LRRC52: variants seen among roughly 807,000 people sequenced by gnomAD.
LRRC52 encodes leucine rich repeat containing 52, also known as leucine-rich repeat-containing protein 52.
Under a neutral mutation model 14.7 loss-of-function variants are expected in LRRC52, and 15 were observed. That is an observed-to-expected ratio of 1.02 (90% confidence interval 0.68 to 1.58). LRRC52 has a LOEUF of 1.58. Among genes scored for constraint, LRRC52 ranks in the 40% most tolerant of loss-of-function variants. The pLI, the probability that LRRC52 is intolerant of heterozygous loss-of-function variation, is 0.00. For synonymous variants in LRRC52, 180 were observed against 163.9 expected, an observed-to-expected ratio of 1.10 and a Z score of -0.75; for missense variants, 400 against 387.7, an observed-to-expected ratio of 1.03 and a Z score of -0.27.
rs79060241 is a variant in LRRC52, at chr1:165,563,835, C to T, written c.*11C>T. The T allele has an allele frequency of 6.8e-3, 10,876 of 1,610,828 alleles. 622 individuals carry two copies. In the African/African-American group the frequency reaches 0.13, roughly 19 times the overall value. On this transcript the variant is annotated 3_prime_UTR_variant, in exon 2 of 2. Coordinates refer to ENST00000294818, the MANE Select transcript of LRRC52 (RefSeq NM_001005214.4). ...CCTCAGCTTATTTAGTTGCCAGAGA[C>T]CACTATCTTATGTGCCTCCCCCAGG...
chr1:165,544,484 A>G lies in LRRC52; in HGVS notation c.188A>G (p.Asn63Ser). The change falls in exon 1 of 2, where the codon AAC becomes AGC. Residue 63 changes from asparagine (N) to serine (S), a missense_variant. Coordinates refer to ENST00000294818, the MANE Select transcript of LRRC52 (RefSeq NM_001005214.4). ...LNTRRLFLNE[N>S]RITSLPAMHL... is the part of the protein sequence containing the mutation. The stretch of plus-strand genomic sequence containing the variant: ...ACCCGGAGGCTGTTCCTGAACGAGA[A>G]CAGAATCACTAGTTTGCCAGCAATG... The G allele has an allele frequency of 6.2e-7, 1 of 1,614,144 alleles. No individual in the cohort carries two copies. The highest frequency in any genetic ancestry group is 8.5e-7 in the Non-Finnish European group (1 of 1,180,010).
chr1:165,546,388 G>T (rs1264381274), intron 1 of LRRC52, among the ~76,000 whole-genome samples: 3 of 152,180 alleles, frequency 2.0e-5, no homozygotes, highest in African/African-American at 7.2e-5. Flanking sequence ...AGTTATCTCA[G>T]GTAGGTTGCC....
rs938493613 is a variant in LRRC52, at chr1:165,557,153, T to C, written c.623-6352T>C. Among the ~76,000 whole-genome samples the C allele has an allele frequency of 2.0e-5, 3 of 152,356 alleles. 1 individual carries two copies. The highest frequency in any genetic ancestry group is 6.5e-5 in the Admixed American group (1 of 15,308). On this transcript the variant is annotated intron_variant, in intron 1 of 1. Coordinates refer to ENST00000294818, the MANE Select transcript of LRRC52 (RefSeq NM_001005214.4). Reference sequence around the variant, plus strand: ...GGAAATAATAATAATTACCTTTTGATATCATGTCTGCAGCAGTTTGTCCTC... The same window carrying C: ...GGAAATAATAATAATTACCTTTTGACATCATGTCTGCAGCAGTTTGTCCTC...
intron 1 of LRRC52, among the ~76,000 whole-genome samples, chr1:165,547,240 C>T (rs1209714204): frequency 9.2e-5 from 14 of 152,148 alleles, no homozygotes. Context: ...TTCCACAAGA[C>T]TATACTATCT....
At chr1:165,561,344 T>G (rs551187140) in intron 1 of LRRC52, among the ~76,000 whole-genome samples, 2 of 152,170 alleles carry the variant, frequency 1.3e-5, no homozygotes, top group African/African-American at 4.8e-5. Context: ...CCGAATCCCA[T>G]GTTTGCCTTT....
chr1:165,553,140 A>C (rs1378158422), intron 1 of LRRC52, among the ~76,000 whole-genome samples: 1 of 152,212 alleles, frequency 6.6e-6, no homozygotes, highest in Non-Finnish European at 1.5e-5. Flanking sequence ...AATCAGGAAA[A>C]AGAGTTTCAA....
intron 1 of LRRC52, among the ~76,000 whole-genome samples, chr1:165,555,832 T>C (rs12750195): frequency 0.63 from 96,092 of 152,216 alleles, 32,654 homozygotes; most frequent in East Asian, 0.87. Context: ...GCTCCTGGGG[T>C]TTCACAATGG....
Position 165,545,937 on chromosome 1 carries a change from G to C in LRRC52, c.622+1019G>C, listed in dbSNP as rs555692479. Among the ~76,000 whole-genome samples, 10 of 152,274 alleles carry C rather than the reference G, an allele frequency of 6.6e-5. 1 individual carries two copies. The highest frequency in any genetic ancestry group is 2.4e-4 in the African/African-American group (10 of 41,540). On this transcript the variant is annotated intron_variant, in intron 1 of 1. Coordinates refer to ENST00000294818, the MANE Select transcript of LRRC52 (RefSeq NM_001005214.4). ...TAGTTTCTGTCTTCCCTGGGTGTTT[G>C]CCTTTGAAAACGTTTTCATAGACGC...
Position 165,563,632 on chromosome 1 carries a change from C to T in LRRC52, c.750C>T (p.Leu250=), listed in dbSNP as rs1477737320. The T allele has an allele frequency of 1.2e-6, 2 of 1,614,270 alleles. No homozygotes were observed. The highest frequency in any genetic ancestry group is 1.7e-6 in the Non-Finnish European group (2 of 1,180,044). The change falls in exon 2 of 2, where the codon CTC becomes CTT. Residue 250 remains leucine (L), a synonymous_variant. Transcript: ENST00000294818. The stretch of plus-strand genomic sequence containing the variant: ...ACAAAGACTACATCTTCCTGCTGCT[C>T]ATCGGCTTCTGCATCTTCGCCGCGG... ...LDHKDYIFLL[L]IGFCIFAAGT...
Position 165,557,755 on chromosome 1 carries a change from C to T in LRRC52, c.623-5750C>T, listed in dbSNP as rs147980007. On this transcript the variant is annotated intron_variant, in intron 1 of 1. Transcript: ENST00000294818. ...TCTCTAGATCCAGGGTAGAAGTTGA[C>T]GAAGTGCTTGACAAGGTGCATAAAG... Among the ~76,000 whole-genome samples the T allele has an allele frequency of 4.3e-4, 65 of 152,266 alleles. No individual in the cohort carries two copies. The East Asian group carries it at 0.011, about 25-fold the overall frequency.
intron 1 of LRRC52, among the ~76,000 whole-genome samples, chr1:165,559,401 AT>A (rs1338163700): frequency 2.0e-5 from 3 of 152,144 alleles, no homozygotes; most frequent in Admixed American, 1.3e-4. Context: ...AAAAAAAAAA[AT>A]TGTGAAGCAA....
chr1:165,563,842 C>G lies in LRRC52; in HGVS notation c.*18C>G. The G allele has an allele frequency of 6.2e-7, 1 of 1,605,614 alleles. No homozygotes were observed. The highest frequency in any genetic ancestry group is 8.5e-7 in the Non-Finnish European group (1 of 1,174,436). ...TTATTTAGTTGCCAGAGACCACTAT[C>G]TTATGTGCCTCCCCCAGGCTCCCTG... On this transcript the variant is annotated 3_prime_UTR_variant, in exon 2 of 2. Coordinates refer to ENST00000294818, the MANE Select transcript of LRRC52 (RefSeq NM_001005214.4).
At chr1:165,556,681 G>T (rs1385211672) in intron 1 of LRRC52, among the ~76,000 whole-genome samples, 1 of 152,232 alleles carries the variant, frequency 6.6e-6, no homozygotes, top group African/African-American at 2.4e-5. Context: ...GTTGTAGTTT[G>T]CTGACCCCTG....
At chr1:165,563,483 C>A (rs1661389836) in intron 1 of LRRC52, 22 bp from the exon 2 acceptor site, 2 of 1,594,156 alleles carry the variant, frequency 1.3e-6, no homozygotes, top group South Asian at 1.2e-5. Context: ...CAGCACCCTG[C>A]CTGCTGTGTT....
At chr1:165,547,503 G>A (rs206235) in intron 1 of LRRC52, among the ~76,000 whole-genome samples, 7,329 of 152,160 alleles carry the variant, frequency 0.048, 237 homozygotes, top group Admixed American at 0.074. Flanking sequence ...CTCCAAAAGG[G>A]TGAATCTAAC....
At chr1:165,562,979 A>G (rs983724487) in intron 1 of LRRC52, among the ~76,000 whole-genome samples, 1 of 152,096 alleles carries the variant, frequency 6.6e-6, no homozygotes, top group Non-Finnish European at 1.5e-5. Context: ...GTGGCTTGCA[A>G]TGCTCTCGGG....
In LRRC52 at chr1:165,544,228, C is replaced by CCCCCCCCCCG; in HGVS notation, c.-68_-67insCCCCCCCCGC. ...GCCCCTCCCCCGCCCCACCCCCCCA[C>CCCCCCCCCCG]CGGCAGCCTTCGGATCAGAGGACAG... On this transcript the variant is annotated 5_prime_UTR_variant, in exon 1 of 2. Transcript: ENST00000294818. The CCCCCCCCCCG allele has an allele frequency of 6.8e-7, 1 of 1,460,378 alleles. No homozygotes were observed. Among genetic ancestry groups the CCCCCCCCCCG allele is most frequent in the African/African-American group, 1.4e-5 (1 of 69,792 alleles). 90.5% of individuals were successfully genotyped at this position (1,460,378 alleles called of 1,614,324 possible).
rs376138297 is a variant in LRRC52 at position 165,562,112 on chromosome 1, A to G, written c.623-1393A>G. ...TCCCACTTACGCAAAGCAAGCTCAC[A>G]CTGGCTTTCTGTCTTCTGTCTTCTA... is the stretch of plus-strand genomic sequence containing the variant. On this transcript the variant is annotated intron_variant, in intron 1 of 1. Coordinates refer to ENST00000294818, the MANE Select transcript of LRRC52 (RefSeq NM_001005214.4). 5.3e-5 allele frequency among the ~76,000 whole-genome samples: 8 copies of G among 152,318 alleles called. No individual in the cohort carries two copies. In the East Asian group the frequency reaches 7.7e-4, roughly 15 times the overall value.
intron 1 of LRRC52, among the ~76,000 whole-genome samples, chr1:165,545,449 C>T (rs536433650): frequency 6.6e-6 from 1 of 151,910 alleles, no homozygotes; most frequent in Non-Finnish European, 1.5e-5. Context: ...AGGAGGGGCA[C>T]GTGAGCTACC....
Sources: gnomAD v4.1 joint callset for allele counts (sites outside exome capture counted in the v4.1 genomes callset) on GRCh38, gnomAD v4.1.1 for gene constraint, MANE v1.5 for transcripts, NCBI Gene and HGNC (gene_info 2026-07-23, HGNC 2026-07-21) for gene names.